Variants in TSNARE1 observed in about 807,000 individuals in gnomAD.
TSNARE1 encodes the protein t-SNARE domain-containing protein 1.
In TSNARE1, 49 loss-of-function variants were observed where a neutral mutation model predicts 62.0. That is an observed-to-expected ratio of 0.79 (90% CI 0.63 to 1.00). The LOEUF (loss-of-function observed/expected upper bound fraction) is 1.00, where lower values mean the gene tolerates loss of function less well. TSNARE1 is among the 50% of genes least tolerant of loss of function. The probability of loss-of-function intolerance (pLI) is 0.00; values close to 1 mark genes in which losing one functional copy is unlikely to be tolerated. For synonymous variants in TSNARE1, 328 were observed against 294.4 expected, an observed-to-expected ratio of 1.11 and a Z score of -1.17; for missense variants, 755 against 700.1, an observed-to-expected ratio of 1.08 and a Z score of -0.88.
chr8:142,385,090 A>G (rs1837022758), intron 1 of TSNARE1, among the ~76,000 whole-genome samples: 1 of 152,114 alleles, frequency 6.6e-6, no homozygotes, highest in African/African-American at 2.4e-5. Context: ...AGAAAGAGAG[A>G]GAGAGAAAGG....
intron 9 of TSNARE1, among the ~76,000 whole-genome samples, chr8:142,301,430 C>A (rs975021831): frequency 1.5e-5 from 2 of 131,464 alleles, no homozygotes; most frequent in Middle Eastern, 4.5e-3. Flanking sequence ...ACCTGCCCTG[C>A]CCATGCCAGC....
In TSNARE1 at chr8:142,274,851, G is replaced by T; in HGVS notation, c.1376C>A (p.Ala459Asp). The T allele has an allele frequency of 1.3e-6, 2 of 1,569,040 alleles. No individual in the cohort carries two copies. Among genetic ancestry groups the T allele is most frequent in the Non-Finnish European group, 1.7e-6 (2 of 1,158,200 alleles). ...EQGEAVDSIEASLEAASSHAE... is the reference protein window; with the variant it reads ...EQGEAVDSIEDSLEAASSHAE... The stretch of plus-strand genomic sequence containing the variant: ...ATGCGAGGACGCAGCCTCAAGGCTG[G>T]CTTCAATACTATCTGCAAATCAAGA... The change falls in exon 12 of 14, where the codon GCC (alanine) becomes GAC (aspartate). Residue 459 changes from alanine (A) to aspartate (D), a missense_variant. Transcript: ENST00000524325.
intron 1 of TSNARE1, among the ~76,000 whole-genome samples, chr8:142,376,295 C>T (rs926326219): frequency 2.6e-5 from 4 of 152,190 alleles, no homozygotes; most frequent in East Asian, 1.9e-4. Flanking sequence ...ACCGCAAGGG[C>T]GACCCTGGGG....
intron 13 of TSNARE1, among the ~76,000 whole-genome samples, chr8:142,224,124 A>G (rs1391775194): frequency 6.6e-5 from 10 of 152,162 alleles, no homozygotes; most frequent in Admixed American, 6.5e-4. Flanking sequence ...CAGATCCTTC[A>G]TCTACAGCAA....
intron 12 of TSNARE1, among the ~76,000 whole-genome samples, chr8:142,262,917 C>T (rs777802532): frequency 2.6e-5 from 4 of 152,148 alleles, no homozygotes; most frequent in African/African-American, 4.8e-5. Flanking sequence ...TACGGAAACG[C>T]CTTTGATTGT....
intron 2 of TSNARE1, among the ~76,000 whole-genome samples, chr8:142,352,368 C>G (rs941325028): frequency 6.6e-6 from 1 of 152,276 alleles, no homozygotes. Context: ...CATCACCGTC[C>G]GACACCCCTG....
At chr8:142,337,709 C>T (rs1440439743) in intron 4 of TSNARE1, among the ~76,000 whole-genome samples, 1 of 152,228 alleles carries the variant, frequency 6.6e-6, no homozygotes, top group Non-Finnish European at 1.5e-5. Flanking sequence ...CCTGCGACAC[C>T]GCAGCCCCAC....
chr8:142,311,837 T>C (rs1181172047), intron 9 of TSNARE1, among the ~76,000 whole-genome samples: 1 of 151,930 alleles, frequency 6.6e-6, no homozygotes, highest in Non-Finnish European at 1.5e-5. Flanking sequence ...AATCCTTTTT[T>C]CTGCTTTGTC....
chr8:142,278,574 T>C (rs1820878734), intron 11 of TSNARE1: 1 of 984,918 alleles, frequency 1.0e-6, no homozygotes, highest in Non-Finnish European at 1.2e-6. Context: ...GGAGGTGCGG[T>C]GGGAGGAGGC....
intron 6 of TSNARE1, among the ~76,000 whole-genome samples, chr8:142,323,623 G>A (rs920542869): frequency 3.3e-5 from 5 of 152,232 alleles, no homozygotes; most frequent in African/African-American, 4.8e-5. Context: ...TCCAAAGGCC[G>A]AGGTGCCTCA....
At chr8:142,313,955 T>C (rs1367616835) in intron 9 of TSNARE1, among the ~76,000 whole-genome samples, 1 of 152,158 alleles carries the variant, frequency 6.6e-6, no homozygotes, top group Non-Finnish European at 1.5e-5. Context: ...ATTTTTGTAT[T>C]TTTAGTAGAG....
chr8:142,376,378 G>T (rs558245949), intron 1 of TSNARE1, among the ~76,000 whole-genome samples: 2 of 152,216 alleles, frequency 1.3e-5, no homozygotes, highest in Non-Finnish European at 2.9e-5. Context: ...TGCCTCTAAG[G>T]CGATGGCGTT....
intron 9 of TSNARE1, among the ~76,000 whole-genome samples, chr8:142,311,092 C>T (rs1409110590): frequency 6.6e-6 from 1 of 151,738 alleles, no homozygotes; most frequent in African/African-American, 2.4e-5. Context: ...TCAAGTGATC[C>T]ACCTGCCTCG....
chr8:142,277,661 C>T, intron 11 of TSNARE1: 1 of 985,434 alleles, frequency 1.0e-6, no homozygotes, highest in Non-Finnish European at 1.2e-6. Flanking sequence ...TTGCTGTCAG[C>T]AGCAGGGCAG....
At chr8:142,312,739 T>A (rs1457372824) in intron 9 of TSNARE1, among the ~76,000 whole-genome samples, 1 of 152,196 alleles carries the variant, frequency 6.6e-6, no homozygotes, top group East Asian at 1.9e-4. Flanking sequence ...AGTGCTGCAA[T>A]CCCCTTGTGC....
intron 1 of TSNARE1, among the ~76,000 whole-genome samples, chr8:142,375,565 C>A (rs1051509798): frequency 2.0e-5 from 3 of 152,222 alleles, no homozygotes; most frequent in Non-Finnish European, 4.4e-5. Context: ...AATGCTCAGC[C>A]CACTGGGCAG....
chr8:142,229,491 C>T lies in TSNARE1; in HGVS notation c.1535G>A (p.Arg512Gln), dbSNP rs142823138. Reference sequence around the variant, plus strand: ...TACTCACCACGGGTAGCATCACTTTCGGACAGAGGTGGCGATGATGATGAT... The same window carrying T: ...TACTCACCACGGGTAGCATCACTTTTGGACAGAGGTGGCGATGATGATGAT... The part of the protein sequence containing the change: ...VIIIIIATSV[R>Q]K Residue 512 changes from arginine (R) to glutamine (Q), a missense_variant, in exon 13 of 14, where the codon CGA becomes CAA. Physicochemically the swap from Arg to Gln is conservative, Grantham distance 43 (BLOSUM62 1). Transcript: ENST00000524325. 8.1e-5 allele frequency: 131 copies of T among 1,614,030 alleles called. No individual in the cohort carries two copies. Among genetic ancestry groups the T allele is most frequent in the Non-Finnish European group, 1.0e-4 (119 of 1,179,976 alleles).
chr8:142,311,129 C>T (rs180951846), intron 9 of TSNARE1, among the ~76,000 whole-genome samples: 2,340 of 149,278 alleles, frequency 0.016, 77 homozygotes, highest in African/African-American at 0.055. Flanking sequence ...GGATTACAGG[C>T]GTGAGCCACT....
At chr8:142,369,903 G>T (rs931756633) in intron 1 of TSNARE1, among the ~76,000 whole-genome samples, 1 of 152,226 alleles carries the variant, frequency 6.6e-6, no homozygotes. Flanking sequence ...GAATTTTCCA[G>T]AAAGAATGAA....
Sources: allele counts gnomAD v4.1 joint callset (sites outside exome capture counted in the v4.1 genomes callset), GRCh38; gene constraint gnomAD v4.1.1; transcripts MANE v1.5; gene names NCBI Gene and HGNC (gene_info 2026-07-23, HGNC 2026-07-21).